The following C1orf167 variants were observed in gnomAD, a reference collection of about 807,000 sequenced individuals.
C1orf167 encodes the protein chromosome 1 open reading frame 167, also known as uncharacterized protein C1orf167.
C1orf167 carries 153 observed loss-of-function variants against 176.5 expected under a neutral mutation model. The observed-to-expected ratio is 0.87, with a 90% CI of 0.76 to 0.99. C1orf167 has a LOEUF of 0.99. Among genes scored for constraint, C1orf167 ranks in the 50% least tolerant of loss-of-function variants. C1orf167 has a pLI of 0.00. For missense variants in C1orf167, 1,490 were observed against 1,817.7 expected (o/e 0.82, Z 3.28); for synonymous variants, 594 against 752.7 (o/e 0.79, Z 3.45).
intron 10 of C1orf167, chr1:11,777,338 G>C (rs550944818): frequency 1.3e-5 from 2 of 152,910 alleles, no homozygotes; most frequent in South Asian, 2.1e-4. Context: ...GAATGGAAGC[G>C]AGCAGTTGCA....
At position 11,788,676 on chromosome 1, in the gene C1orf167, G is replaced by A. The variant is rs1180056472; in HGVS notation, c.4103G>A (p.Gly1368Asp). 1 of 1,304,302 alleles carries A rather than the reference G, an allele frequency of 7.7e-7. No individual in the cohort carries two copies. Among genetic ancestry groups the A allele is most frequent in the Non-Finnish European group, 1.0e-6 (1 of 988,960 alleles). 80.8% of individuals were successfully genotyped at this position (1,304,302 alleles called of 1,614,324 possible). A position where few individuals can be genotyped will look rare whatever the true frequency, so the allele number is the denominator to read the frequency against. The change falls in exon 20 of 21, where the codon GGC becomes GAC. Residue 1368 changes from glycine to aspartate, a missense_variant. Coordinates refer to ENST00000688073, the MANE Select transcript of C1orf167 (RefSeq NM_001010881.2). The stretch of plus-strand genomic sequence containing the variant: ...GCTCAGGGAGTGGCACCTGAGATGG[G>A]CCTGGCAGACGTGGTGGCAGCGGAT... Reference protein sequence around the residue: ...DPAQGVAPEMGLADVVAADPA... With the variant: ...DPAQGVAPEMDLADVVAADPA...
At chr1:11,780,783 C>T (rs900082421) in intron 13 of C1orf167, among the ~76,000 whole-genome samples, 3 of 151,936 alleles carry the variant, frequency 2.0e-5, no homozygotes, top group Admixed American at 1.3e-4. Flanking sequence ...GAGGGCTCAG[C>T]GGGCAGAGCA....
chr1:11,779,717 G>C (rs1643501250), intron 12 of C1orf167, 85 bp from the exon 13 acceptor site: 3 of 1,040,258 alleles, frequency 2.9e-6, no homozygotes, highest in Admixed American at 2.8e-5. Context: ...CTGCTGGGGA[G>C]AGGAAGAGAA....
In C1orf167 at chr1:11,766,343, C is replaced by A. The variant is rs1045491035; in HGVS notation, c.557C>A (p.Ala186Asp). The change falls in exon 3 of 21, where the codon GCC becomes GAC. Residue 186 changes from alanine to aspartate, a missense_variant. Transcript: ENST00000688073. This position sits in a 1 kb window ranked among gnomAD's most constrained non-coding sequence, Gnocchi z 4.5. ...AGCGGGGACTTCAGGCCCACTGAAG[C>A]CTTTGCCCCTCTCGATGGGCATACA... ...TPSGDFRPTE[A>D]FAPLDGHTQP... The A allele has an allele frequency of 6.6e-5, 85 of 1,278,406 alleles. No individual in the cohort carries two copies. The highest frequency in any genetic ancestry group is 7.6e-5 in the Non-Finnish European group (75 of 984,032). 79.2% of individuals were successfully genotyped at this position (1,278,406 alleles called of 1,614,324 possible).
rs200540772 is a variant in C1orf167, at chr1:11,779,483, CG to C, written c.2652-317del. 6.3e-3 allele frequency: 1,422 copies of C among 226,628 alleles called. 23 individuals carry two copies. The highest frequency in any genetic ancestry group is 0.031 in the African/African-American group (1,365 of 43,864). The allele number at this position is 226,628 out of a possible 1,614,324, so 14.0% of individuals were successfully genotyped here. ...GCTCCAGTGGGGCAATGGCGAGGCA[CG>C]GCACATACATTCCCCAATGCCGTGT... is the stretch of plus-strand genomic sequence containing the variant. On this transcript the variant is annotated intron_variant, in intron 12 of 20. Transcript: ENST00000688073.
rs146912801 is a variant in C1orf167, at chr1:11,782,772, A to G, written c.3005+439A>G. Among the ~76,000 whole-genome samples the G allele has an allele frequency of 2.2e-3, 332 of 152,182 alleles. 6 individuals are homozygous for G. The highest frequency in any genetic ancestry group is 7.6e-3 in the African/African-American group (317 of 41,534). ...CCCATCTCTACTAAAAATATGAAAA[A>G]TTAGACGGGCATGGTGGCAGGTGCC... On this transcript the variant is annotated intron_variant, in intron 14 of 20. Transcript: ENST00000688073.
chr1:11,782,126 G>A, intron 13 of C1orf167, 63 bp from the exon 14 acceptor site: 1 of 1,184,810 alleles, frequency 8.4e-7, no homozygotes, highest in Non-Finnish European at 1.1e-6. Flanking sequence ...TGGCTGCGTA[G>A]AGGCCCATGG....
chr1:11,787,214 AGGGCTAACTATTAT>A, intron 16 of C1orf167, 160 bp from the exon 17 acceptor site: 4 of 257,322 alleles, frequency 1.6e-5, no homozygotes, highest in Non-Finnish European at 3.2e-5. Context: ...GAACTGACTG[AGGGCTAACTATTAT>A]GGGCCCACCC....
intron 8 of C1orf167, among the ~76,000 whole-genome samples, chr1:11,772,530 G>T (rs1393770394): frequency 6.6e-6 from 1 of 152,202 alleles, no homozygotes; most frequent in Admixed American, 6.5e-5. Context: ...GCCTCCAGAA[G>T]TGCTGGGATT....
chr1:11,779,104 C>G, intron 12 of C1orf167, 24 bp downstream of exon 12: 6 of 1,226,572 alleles, frequency 4.9e-6, no homozygotes, highest in Non-Finnish European at 5.2e-6. Context: ...CCCATCCGCC[C>G]GCCACTCTAT....
intron 6 of C1orf167, among the ~76,000 whole-genome samples, chr1:11,771,070 T>TATATATATATATA (rs1491455421): frequency 1.3e-4 from 3 of 23,220 alleles, no homozygotes; most frequent in African/African-American, 4.3e-4. Flanking sequence ...TATATATATA[T>TATATATATATATA]TTTTTTTTTT....
chr1:11,778,529 C>T (rs953609499), intron 10 of C1orf167, 131 bp from the exon 11 acceptor site: 45 of 760,806 alleles, frequency 5.9e-5, no homozygotes, highest in Non-Finnish European at 7.9e-5. Flanking sequence ...GCTAGCCCAG[C>T]GTCTGGCCTG....
At chr1:11,781,218 G>A (rs370588742) in intron 13 of C1orf167, among the ~76,000 whole-genome samples, 4 of 151,792 alleles carry the variant, frequency 2.6e-5, no homozygotes, top group East Asian at 1.9e-4. Context: ...GGCTGGTCTC[G>A]AACTCCTGAC....
At position 11,782,350 on chromosome 1, in the gene C1orf167, G is replaced by A; in HGVS notation, c.3005+17G>A. On this transcript the variant is annotated intron_variant, in intron 14 of 20. Transcript: ENST00000688073. ...ACTGCAGAGGTGGGTGGGCCTGGGG[G>A]TGGGAGGGTGTTGGTCCTCCCCACG... 1 of 1,223,992 alleles carries A rather than the reference G, an allele frequency of 8.2e-7. No homozygotes were observed. The highest frequency in any genetic ancestry group is 1.1e-6 in the Non-Finnish European group (1 of 950,008). The allele number at this position is 1,223,992 out of a possible 1,614,324, so 75.8% of individuals were successfully genotyped here.
intron 16 of C1orf167, chr1:11,785,740 TTTG>T (rs1164568287): frequency 6.5e-6 from 1 of 152,936 alleles, no homozygotes; most frequent in Non-Finnish European, 1.5e-5. Context: ...GTCAAGTTTT[TTTG>T]TTTATTTTTG....
intron 9 of C1orf167, among the ~76,000 whole-genome samples, chr1:11,775,856 G>T (rs1643288791): frequency 6.6e-6 from 1 of 152,142 alleles, no homozygotes; most frequent in Non-Finnish European, 1.5e-5. Context: ...TCCCACTGCA[G>T]GCTTTCTCAG....
chr1:11,775,731 C>A, intron 9 of C1orf167, 121 bp downstream of exon 9: 1 of 1,172,390 alleles, frequency 8.5e-7, no homozygotes, highest in Non-Finnish European at 1.1e-6. Flanking sequence ...TCTAGGAGGG[C>A]AGCCTGTAGG....
intron 8 of C1orf167, among the ~76,000 whole-genome samples, chr1:11,773,473 C>T (rs576020776): frequency 5.9e-5 from 9 of 151,946 alleles, no homozygotes; most frequent in African/African-American, 1.7e-4. Flanking sequence ...TTTGGGAGGC[C>T]GAGGCAGGTG....
intron 10 of C1orf167, chr1:11,777,645 C>CA (rs56270825): frequency 0.099 from 14,593 of 146,930 alleles, 766 homozygotes; most frequent in South Asian, 0.18. Flanking sequence ...GAATCCATCT[C>CA]AAAAAAAAAA....
Sources: allele counts gnomAD v4.1 joint callset (sites outside exome capture counted in the v4.1 genomes callset), GRCh38; gene constraint gnomAD v4.1.1; non-coding constraint Gnocchi (gnomAD v3.1); transcripts MANE v1.5; gene names NCBI Gene and HGNC (gene_info 2026-07-23, HGNC 2026-07-21).